The following NKAIN3 variants were observed in gnomAD, a reference collection of about 807,000 sequenced individuals.
NKAIN3 encodes sodium/potassium-transporting ATPase subunit beta-1-interacting protein 3.
NKAIN3 carries 25 observed loss-of-function variants against 30.2 expected under a neutral mutation model. The observed-to-expected ratio is 0.83, with a 90% CI of 0.60 to 1.16. The LOEUF is 1.16. Ranked by LOEUF, NKAIN3 falls within the 50% of genes most tolerant of loss-of-function variation. The pLI is 0.00. For missense variants in NKAIN3, 225 were observed against 254.1 expected (o/e 0.89, Z 0.78); for synonymous variants, 91 against 89.6 (o/e 1.02, Z -0.09).
At chr8:62,852,336 C>A (rs1294497103) in intron 4 of NKAIN3, among the ~76,000 whole-genome samples, 7 of 151,662 alleles carry the variant, frequency 4.6e-5, no homozygotes, top group African/African-American at 1.7e-4. Context: ...CTATTTGATT[C>A]TTCTCTCTTT....
intron 4 of NKAIN3, among the ~76,000 whole-genome samples, chr8:62,841,754 A>C (rs1819536245): frequency 1.3e-5 from 2 of 152,158 alleles, no homozygotes. Context: ...ACTACTGCGG[A>C]TAATGCTGCA....
intron 1 of NKAIN3, among the ~76,000 whole-genome samples, chr8:62,412,595 C>CA (rs1804278646): frequency 1.3e-5 from 2 of 151,826 alleles, no homozygotes; most frequent in East Asian, 3.9e-4. Flanking sequence ...AATCAATAAG[C>CA]AAAAAACAAA....
intron 1 of NKAIN3, among the ~76,000 whole-genome samples, chr8:62,555,205 T>G (rs1348059936): frequency 6.6e-6 from 1 of 151,858 alleles, no homozygotes; most frequent in Non-Finnish European, 1.5e-5. Context: ...AGAACTAAAT[T>G]CACAATAAAA....
intron 4 of NKAIN3, among the ~76,000 whole-genome samples, chr8:62,830,431 C>A (rs967448170): frequency 2.6e-5 from 4 of 152,090 alleles, no homozygotes; most frequent in Admixed American, 1.3e-4. Flanking sequence ...ATAGCATTAA[C>A]CAAGGGACTG....
intron 4 of NKAIN3, among the ~76,000 whole-genome samples, chr8:62,914,406 A>C (rs1822018677): frequency 6.6e-6 from 1 of 152,170 alleles, no homozygotes; most frequent in Non-Finnish European, 1.5e-5. Flanking sequence ...TGGACTTAAT[A>C]CCTGCGTGAT....
At chr8:62,882,765 C>T (rs1408994933) in intron 4 of NKAIN3, among the ~76,000 whole-genome samples, 1 of 151,998 alleles carries the variant, frequency 6.6e-6, no homozygotes, top group African/African-American at 2.4e-5. Flanking sequence ...CATATTTTTG[C>T]ATATGGATGT....
At chr8:62,942,298 A>G (rs960308094) in intron 5 of NKAIN3, among the ~76,000 whole-genome samples, 4 of 148,114 alleles carry the variant, frequency 2.7e-5, no homozygotes, top group African/African-American at 9.8e-5. Flanking sequence ...ATATATATAC[A>G]CACAATACTT....
intron 4 of NKAIN3, among the ~76,000 whole-genome samples, chr8:62,818,828 G>C (rs1423519683): frequency 2.0e-5 from 3 of 152,012 alleles, no homozygotes; most frequent in African/African-American, 7.2e-5. Flanking sequence ...AAAGGGTAAG[G>C]AGGGATTTTT....
intron 3 of NKAIN3, among the ~76,000 whole-genome samples, chr8:62,624,148 AT>A (rs1479452903): frequency 1.3e-5 from 2 of 152,054 alleles, no homozygotes; most frequent in African/African-American, 2.4e-5. Context: ...GGTTACTTTC[AT>A]CATCAACTTG....
At chr8:62,747,365 A>G (rs190780484) in intron 4 of NKAIN3, among the ~76,000 whole-genome samples, 77 of 152,336 alleles carry the variant, frequency 5.1e-4, no homozygotes, top group Non-Finnish European at 4.4e-4. Flanking sequence ...AACTTAAGAT[A>G]CAGTCCACAC....
chr8:62,863,617 G>GAT, intron 4 of NKAIN3: 1 of 1,194,046 alleles, frequency 8.4e-7, no homozygotes, highest in South Asian at 1.2e-5. Context: ...CAACGAGCTG[G>GAT]ATCACCATGT....
Position 62,954,303 on chromosome 8 carries a change from A to C in NKAIN3, c.603+331A>C, listed in dbSNP as rs538015236. Among the ~76,000 whole-genome samples, 24 of 152,314 alleles carry C rather than the reference A, an allele frequency of 1.6e-4. No homozygotes were observed. In the South Asian group the frequency reaches 4.4e-3, roughly 28 times the overall value. ...TGTCCTGGGGCAGCACAGCAAAGTA[A>C]AAAGGGGAGAAAGACCTGCAGTGAA... is the stretch of plus-strand genomic sequence containing the variant. On this transcript the variant is annotated intron_variant, in intron 6 of 6. Coordinates refer to ENST00000623646, the MANE Select transcript of NKAIN3 (RefSeq NM_001304533.3).
Position 62,984,255 on chromosome 8 carries a change from T to C in NKAIN3, c.*18848T>C, listed in dbSNP as rs1345007522. On this transcript the variant is annotated 3_prime_UTR_variant, in exon 7 of 7. Coordinates refer to ENST00000623646, the MANE Select transcript of NKAIN3 (RefSeq NM_001304533.3). ...CAACTCTGCCATCTTATGGAAAATA[T>C]TGGAAGTACCTAGGGCATTTCATTA... 3 of 152,194 alleles carry C rather than the reference T, an allele frequency of 2.0e-5. No individual in the cohort carries two copies. 9.4% of individuals were successfully genotyped at this position (152,194 alleles called of 1,614,324 possible).
chr8:62,327,507 A>C (rs1040943189), intron 1 of NKAIN3, among the ~76,000 whole-genome samples: 2 of 152,060 alleles, frequency 1.3e-5, no homozygotes, highest in African/African-American at 4.8e-5. Flanking sequence ...GCATTAAGTA[A>C]GGGTCCAGAT....
intron 1 of NKAIN3, among the ~76,000 whole-genome samples, chr8:62,349,804 A>G (rs1412913281): frequency 6.6e-6 from 1 of 152,162 alleles, no homozygotes; most frequent in Non-Finnish European, 1.5e-5. Flanking sequence ...CAAAGAGTGA[A>G]GGTAGATATA....
intron 4 of NKAIN3, among the ~76,000 whole-genome samples, chr8:62,760,528 A>T (rs1052913520): frequency 3.3e-5 from 5 of 151,938 alleles, no homozygotes; most frequent in South Asian, 2.1e-4. Flanking sequence ...TCGCAAGGAC[A>T]AAAAACCAAA....
intron 4 of NKAIN3, among the ~76,000 whole-genome samples, chr8:62,767,530 C>G (rs542582530): frequency 2.0e-5 from 3 of 152,120 alleles, no homozygotes; most frequent in Admixed American, 2.0e-4. Flanking sequence ...TTACATGAGT[C>G]GATAAACTCT....
intron 3 of NKAIN3, among the ~76,000 whole-genome samples, chr8:62,664,310 G>T (rs191708915): frequency 1.2e-3 from 186 of 152,122 alleles, no homozygotes; most frequent in African/African-American, 4.3e-3. Flanking sequence ...GGTTCAGCCA[G>T]CACCCATTTC....
At chr8:62,871,742 C>A (rs560879381) in intron 4 of NKAIN3, among the ~76,000 whole-genome samples, 104 of 152,244 alleles carry the variant, frequency 6.8e-4, no homozygotes, top group Non-Finnish European at 3.2e-4. Context: ...CCTATGGAAT[C>A]CCTCCTTTAA....
Sources: gnomAD v4.1 joint callset for allele counts (sites outside exome capture counted in the v4.1 genomes callset) on GRCh38, gnomAD v4.1.1 for gene constraint, MANE v1.5 for transcripts, NCBI Gene and HGNC (gene_info 2026-07-23, HGNC 2026-07-21) for gene names.